The following RASAL2 variants were observed in gnomAD, a reference collection of about 807,000 sequenced individuals.
RASAL2 encodes the protein RAS protein activator like 2.
RASAL2 carries 58 observed loss-of-function variants against 128.9 expected under a neutral mutation model. That is an observed-to-expected ratio of 0.45 (90% confidence interval 0.36 to 0.56). RASAL2 has a LOEUF of 0.56. RASAL2 is among the 20% of genes least tolerant of loss of function. The probability of loss-of-function intolerance (pLI) is 0.00; values close to 1 mark genes in which losing one functional copy is unlikely to be tolerated. For synonymous variants in RASAL2, 561 were observed against 580.8 expected, an observed-to-expected ratio of 0.97 and a Z score of 0.49; for missense variants, 1,360 against 1,601.6, an observed-to-expected ratio of 0.85 and a Z score of 2.57.
intron 1 of RASAL2, among the ~76,000 whole-genome samples, chr1:178,134,073 T>C (rs1660221214): frequency 6.6e-6 from 1 of 152,180 alleles, no homozygotes. Flanking sequence ...CAATGAACAT[T>C]TATCTATTAT....
intron 1 of RASAL2, among the ~76,000 whole-genome samples, chr1:178,095,804 G>A (rs970889591): frequency 6.6e-6 from 1 of 152,134 alleles, no homozygotes; most frequent in African/African-American, 2.4e-5. Flanking sequence ...TCTTGTCTCA[G>A]TTCTACCACT....
chr1:178,344,804 G>A (rs1442412840), intron 3 of RASAL2, among the ~76,000 whole-genome samples: 4 of 152,132 alleles, frequency 2.6e-5, no homozygotes, highest in Non-Finnish European at 5.9e-5. Context: ...AAAAATTTTT[G>A]TCCTGTTGTT....
chr1:178,108,376 A>C (rs1659176894), intron 1 of RASAL2, among the ~76,000 whole-genome samples: 1 of 152,218 alleles, frequency 6.6e-6, no homozygotes, highest in Non-Finnish European at 1.5e-5. Context: ...TAACTGTGAC[A>C]GTCATGAGCA....
At chr1:178,374,056 C>G (rs908454060) in intron 3 of RASAL2, among the ~76,000 whole-genome samples, 1 of 152,110 alleles carries the variant, frequency 6.6e-6, no homozygotes. Flanking sequence ...ATCCCATGCT[C>G]TGCTGTGGCA....
chr1:178,287,764 G>A (rs919410945), intron 2 of RASAL2, among the ~76,000 whole-genome samples: 2 of 152,162 alleles, frequency 1.3e-5, no homozygotes, highest in African/African-American at 4.8e-5. Flanking sequence ...TCACTCATAA[G>A]TGGGAGCTGA....
intron 1 of RASAL2, among the ~76,000 whole-genome samples, chr1:178,102,117 A>G (rs1041557413): frequency 5.3e-5 from 8 of 152,078 alleles, no homozygotes; most frequent in Admixed American, 1.3e-4. Flanking sequence ...AATTTCATAT[A>G]TGATGCTTAG....
At chr1:178,265,175 T>C (rs567942640) in intron 1 of RASAL2, among the ~76,000 whole-genome samples, 1 of 152,352 alleles carries the variant, frequency 6.6e-6, no homozygotes, top group African/African-American at 2.4e-5. Context: ...ATTAGTGTTT[T>C]CATATAACTC....
rs1488439430 is a variant in RASAL2, at chr1:178,456,962, A to G, written c.2390+63A>G. ...CATAATGTTTAGATTTAGCAGAAGT[A>G]TATTCAACCTATTTGTTGAATTTAC... On this transcript the variant is annotated intron_variant, in intron 13 of 17. Transcript: ENST00000367649. 1.1e-5 allele frequency: 17 copies of G among 1,508,788 alleles called. No individual in the cohort carries two copies. In the Admixed American group the frequency reaches 3.1e-4, roughly 28 times the overall value. The allele number at this position is 1,508,788 out of a possible 1,614,324, so 93.5% of individuals were successfully genotyped here.
Position 178,094,794 on chromosome 1 carries a change from G to A in RASAL2, c.202+100G>A, listed in dbSNP as rs571075192. 11 of 1,405,904 alleles carry A rather than the reference G, an allele frequency of 7.8e-6. No individual in the cohort carries two copies. In the South Asian group the frequency reaches 1.5e-4, roughly 19 times the overall value. 87.1% of individuals were successfully genotyped at this position (1,405,904 alleles called of 1,614,324 possible). A position where few individuals can be genotyped will look rare whatever the true frequency, so the allele number is the denominator to read the frequency against. On this transcript the variant is annotated intron_variant, in intron 1 of 17. Transcript: ENST00000367649. ...AGGCTCATTCCCAGTCCTCATCCGTGCTAGGTCAGTTTCCCACATCCCTTT... is the reference window on the plus strand; with the variant it reads ...AGGCTCATTCCCAGTCCTCATCCGTACTAGGTCAGTTTCCCACATCCCTTT...
At chr1:178,292,218 T>A (rs747619599) in intron 2 of RASAL2, among the ~76,000 whole-genome samples, 10 of 152,132 alleles carry the variant, frequency 6.6e-5, no homozygotes, top group Admixed American at 3.9e-4. Flanking sequence ...TGTTAAAAAA[T>A]TAATTAAAAG....
chr1:178,180,661 T>TCACACACACACACACACACACA (rs1455344116), intron 1 of RASAL2, among the ~76,000 whole-genome samples: 3 of 6,740 alleles, frequency 4.5e-4, no homozygotes, highest in African/African-American at 1.2e-3. Context: ...AGCGAGACTG[T>TCACACACACACACACACACACA]CTCACACACA....
chr1:178,224,219 C>G (rs1393559367), intron 1 of RASAL2, among the ~76,000 whole-genome samples: 1 of 148,044 alleles, frequency 6.8e-6, no homozygotes, highest in East Asian at 1.9e-4. Flanking sequence ...TAGGGGAAAA[C>G]TAGAATTTTT....
chr1:178,387,839 T>C (rs573664270), intron 3 of RASAL2, among the ~76,000 whole-genome samples: 2 of 152,328 alleles, frequency 1.3e-5, no homozygotes, highest in South Asian at 4.1e-4. Context: ...GTTTGAAATG[T>C]GGCCACTAAT....
chr1:178,337,983 C>A (rs778507548), intron 3 of RASAL2, among the ~76,000 whole-genome samples: 1 of 152,050 alleles, frequency 6.6e-6, no homozygotes, highest in East Asian at 1.9e-4. Context: ...CCACCCACCT[C>A]GGCCTCCCAA....
intron 1 of RASAL2, among the ~76,000 whole-genome samples, chr1:178,210,758 G>A (rs1228482043): frequency 2.0e-5 from 3 of 152,142 alleles, no homozygotes; most frequent in Non-Finnish European, 2.9e-5. Flanking sequence ...GGACCTATTT[G>A]AAAATTTATA....
At position 178,473,376 on chromosome 1, in the gene RASAL2, AG is replaced by A; in HGVS notation, c.*139del. 1 of 1,122,818 alleles carries A rather than the reference AG, an allele frequency of 8.9e-7. No individual in the cohort carries two copies. The allele number at this position is 1,122,818 out of a possible 1,614,324, so 69.6% of individuals were successfully genotyped here. ...TGGTGAGAAACTCCTGAATGAAGAAAGGAACCTTGTCTTTCAGGGCATAAGG... is the reference window on the plus strand; with the variant it reads ...TGGTGAGAAACTCCTGAATGAAGAAAGAACCTTGTCTTTCAGGGCATAAGG... On this transcript the variant is annotated 3_prime_UTR_variant, in exon 18 of 18. Transcript: ENST00000367649.
chr1:178,430,312 A>G (rs1236119209), intron 5 of RASAL2, among the ~76,000 whole-genome samples: 4 of 152,166 alleles, frequency 2.6e-5, no homozygotes, highest in Admixed American at 6.6e-5. Flanking sequence ...ATTTACAGCC[A>G]TGGGCCAATT....
chr1:178,110,600 T>C (rs1249316383), intron 1 of RASAL2, among the ~76,000 whole-genome samples: 3 of 144,382 alleles, frequency 2.1e-5, no homozygotes, highest in East Asian at 4.1e-4. Flanking sequence ...CTATATATAC[T>C]GTATATATAC....
At chr1:178,106,055 C>T (rs989504184) in intron 1 of RASAL2, among the ~76,000 whole-genome samples, 2 of 152,152 alleles carry the variant, frequency 1.3e-5, no homozygotes, top group Admixed American at 6.5e-5. Flanking sequence ...AACATGAAAT[C>T]GCTGTAGATG....
Sources: allele counts gnomAD v4.1 joint callset (sites outside exome capture counted in the v4.1 genomes callset), GRCh38; gene constraint gnomAD v4.1.1; transcripts MANE v1.5; gene names NCBI Gene and HGNC (gene_info 2026-07-23, HGNC 2026-07-21).